The following OR1D2 variants were observed in gnomAD, a reference collection of about 807,000 sequenced individuals.
OR1D2 encodes olfactory receptor 1D2.
For missense variants in OR1D2, 357 were observed against 376.1 expected (o/e 0.95, Z 0.42); for synonymous variants, 157 against 153.9 (o/e 1.02, Z -0.15).
intron 1 of OR1D2, among the ~76,000 whole-genome samples, chr17:3,103,037 A>G (rs2047881516): frequency 6.6e-6 from 1 of 152,190 alleles, no homozygotes; most frequent in South Asian, 2.1e-4. Flanking sequence ...GGGAGACAGA[A>G]GATGAGGGCA....
chr17:3,091,620 T>G lies in OR1D2; in HGVS notation c.*438A>C, dbSNP rs1350109336. The G allele has an allele frequency of 6.0e-6, 1 of 167,836 alleles. No homozygotes were observed. Among genetic ancestry groups the G allele is most frequent in the Non-Finnish European group, 1.3e-5 (1 of 76,042 alleles). 10.4% of individuals were successfully genotyped at this position (167,836 alleles called of 1,614,324 possible). A position where few individuals can be genotyped will look rare whatever the true frequency, so the allele number is the denominator to read the frequency against. On this transcript the variant is annotated 3_prime_UTR_variant, in exon 2 of 2. Coordinates refer to ENST00000641833, the MANE Select transcript of OR1D2 (RefSeq NM_002548.3). Reference sequence around the variant, plus strand: ...TGAACACCACCTGTCGAGGTCTATATCACGTGCTGGATCAGCTGATACAAA... The same window carrying G: ...TGAACACCACCTGTCGAGGTCTATAGCACGTGCTGGATCAGCTGATACAAA...
At chr17:3,094,748 A>T (rs547644700) in intron 1 of OR1D2, among the ~76,000 whole-genome samples, 2 of 152,134 alleles carry the variant, frequency 1.3e-5, no homozygotes, top group African/African-American at 4.8e-5. Context: ...TCACAAAACT[A>T]AGAGAAAGCA....
Position 3,096,488 on chromosome 17 carries a change from C to G in OR1D2, c.-50-3442G>C, listed in dbSNP as rs373151282. ...AGATTAAAATAGAGTTTATGCTGAC[C>G]TGGTGGCCCATGCCTGTTAATCTCA... On this transcript the variant is annotated intron_variant, in intron 1 of 1. Transcript: ENST00000641833. Among the ~76,000 whole-genome samples the G allele has an allele frequency of 4.6e-5, 7 of 152,290 alleles. No homozygotes were observed. The South Asian group carries it at 1.2e-3, about 27-fold the overall frequency.
rs896855889 is a variant in OR1D2 at position 3,091,130 on chromosome 17, T to G, written c.*928A>C. On this transcript the variant is annotated 3_prime_UTR_variant, in exon 2 of 2. Transcript: ENST00000641833. Reference sequence around the variant, plus strand: ...CTACCAGGGTGCTATAAACTTTCACTTGGATTCTGGAGCTCTCACAAAGGT... The same window carrying G: ...CTACCAGGGTGCTATAAACTTTCACGTGGATTCTGGAGCTCTCACAAAGGT... 3.9e-5 allele frequency: 6 copies of G among 152,310 alleles called. No individual in the cohort carries two copies. The highest frequency in any genetic ancestry group is 3.3e-4 in the Admixed American group (5 of 15,300). 9.4% of individuals were successfully genotyped at this position (152,310 alleles called of 1,614,324 possible).
At chr17:3,100,967 A>G (rs747932466) in intron 1 of OR1D2, among the ~76,000 whole-genome samples, 1 of 152,200 alleles carries the variant, frequency 6.6e-6, no homozygotes, top group Non-Finnish European at 1.5e-5. Context: ...CCACGGCTAA[A>G]CCAGGAAGAA....
At chr17:3,096,409 C>G (rs983733189) in intron 1 of OR1D2, among the ~76,000 whole-genome samples, 1 of 152,132 alleles carries the variant, frequency 6.6e-6, no homozygotes, top group African/African-American at 2.4e-5. Flanking sequence ...AATCAGGAAC[C>G]ACAAGAAAAA....
chr17:3,094,955 T>TACCA (rs759878351), intron 1 of OR1D2, among the ~76,000 whole-genome samples: 5 of 152,070 alleles, frequency 3.3e-5, no homozygotes, highest in East Asian at 1.9e-4. Context: ...GATAGATTGA[T>TACCA]ATCAAGCTGA....
intron 1 of OR1D2, among the ~76,000 whole-genome samples, chr17:3,098,787 G>C (rs146463970): frequency 5.9e-5 from 9 of 152,244 alleles, no homozygotes; most frequent in African/African-American, 1.9e-4. Flanking sequence ...CTTGATAAAA[G>C]GTTACAGGAG....
rs922528899 is a variant in OR1D2, at chr17:3,092,012, A to G, written c.*46T>C. 1 of 1,399,766 alleles carries G rather than the reference A, an allele frequency of 7.1e-7. No homozygotes were observed. Among genetic ancestry groups the G allele is most frequent in the South Asian group, 1.3e-5 (1 of 77,794 alleles). The allele number at this position is 1,399,766 out of a possible 1,614,324, so 86.7% of individuals were successfully genotyped here. The stretch of plus-strand genomic sequence containing the variant: ...CAGGACAATCCCTTACATAGGGTGA[A>G]GGATATTCCTAGTCTCCACTTTAAT... On this transcript the variant is annotated 3_prime_UTR_variant, in exon 2 of 2. Transcript: ENST00000641833.
At position 3,092,495 on chromosome 17, in the gene OR1D2, A is replaced by C; in HGVS notation, c.502T>G (p.Phe168Val). ...IHTLLMTRVT[F>V]CGSRKIHYIF... ...TAGTGGATTTTTCGTGACCCACAGA[A>C]GGTCACTCTGGTCATGAGGAGGGTG... is the stretch of plus-strand genomic sequence containing the variant. The change falls in exon 2 of 2, where the codon TTC becomes GTC. Residue 168 changes from phenylalanine to valine, a missense_variant. Transcript: ENST00000641833. 6.2e-7 allele frequency: 1 copy of C among 1,614,172 alleles called. No homozygotes were observed. The highest frequency in any genetic ancestry group is 8.5e-7 in the Non-Finnish European group (1 of 1,180,038).
chr17:3,102,514 C>T (rs78384258), intron 1 of OR1D2, among the ~76,000 whole-genome samples: 9,590 of 152,186 alleles, frequency 0.063, 409 homozygotes, highest in Admixed American at 0.16. Flanking sequence ...CGACGTATAT[C>T]GTTGTAACAA....
At chr17:3,096,588 C>T (rs1032437184) in intron 1 of OR1D2, among the ~76,000 whole-genome samples, 1 of 152,268 alleles carries the variant, frequency 6.6e-6, no homozygotes, top group South Asian at 2.1e-4. Flanking sequence ...CATAGCAAGA[C>T]CCCATCTCTT....
intron 1 of OR1D2, among the ~76,000 whole-genome samples, chr17:3,097,026 AG>A (rs2047849106): frequency 6.6e-6 from 1 of 152,260 alleles, no homozygotes; most frequent in South Asian, 2.1e-4. Flanking sequence ...TTCCCACTGC[AG>A]TAGAATAAAA....
chr17:3,092,671 G>A lies in OR1D2; in HGVS notation c.326C>T (p.Ala109Val), dbSNP rs1292097667. ...TQLYFLVSLV[A>V]LDNLILAVMA... Reference sequence around the variant, plus strand: ...CACAGCCAGGATGAGGTTGTCCAGGGCCACCAAGGAGACCAGGAAGTAGAG... The same window carrying A: ...CACAGCCAGGATGAGGTTGTCCAGGACCACCAAGGAGACCAGGAAGTAGAG... Residue 109 changes from alanine (A) to valine (V), a missense_variant, in exon 2 of 2, where the codon GCC becomes GTC. Coordinates refer to ENST00000641833, the MANE Select transcript of OR1D2 (RefSeq NM_002548.3). 2.5e-6 allele frequency: 4 copies of A among 1,614,142 alleles called. No individual in the cohort carries two copies. In the South Asian group the frequency reaches 4.4e-5, roughly 18 times the overall value.
At chr17:3,103,449 C>G (rs1293509013) in intron 1 of OR1D2, among the ~76,000 whole-genome samples, 1 of 152,186 alleles carries the variant, frequency 6.6e-6, no homozygotes, top group Non-Finnish European at 1.5e-5. Flanking sequence ...ATCTCCTGCA[C>G]TCATGTGCAT....
chr17:3,089,799 A>C lies in OR1D2; in HGVS notation c.*2259T>G, dbSNP rs1006669106. 6.6e-6 allele frequency: 1 copy of C among 152,380 alleles called. No homozygotes were observed. The highest frequency in any genetic ancestry group is 1.5e-5 in the Non-Finnish European group (1 of 68,212). The allele number at this position is 152,380 out of a possible 1,614,324, so 9.4% of individuals were successfully genotyped here. A position where few individuals can be genotyped will look rare whatever the true frequency, so the allele number is the denominator to read the frequency against. On this transcript the variant is annotated 3_prime_UTR_variant, in exon 2 of 2. Transcript: ENST00000641833. ...ATTATGGCTGCCTCTGCTGTGTCAT[A>C]CAGGTTGCCAGGGAAGTGGTGGAAA...
At chr17:3,097,522 C>T (rs1431431279) in intron 1 of OR1D2, among the ~76,000 whole-genome samples, 1 of 152,146 alleles carries the variant, frequency 6.6e-6, no homozygotes, top group Non-Finnish European at 1.5e-5. Flanking sequence ...CATGCTTTTT[C>T]CATGGAACTC....
At chr17:3,094,084 T>C (rs1407322695) in intron 1 of OR1D2, among the ~76,000 whole-genome samples, 1 of 152,308 alleles carries the variant, frequency 6.6e-6, no homozygotes, top group East Asian at 1.9e-4. Context: ...AACAGATCAG[T>C]AGAAACTTCA....
At chr17:3,100,799 GAGA>G (rs903942485) in intron 1 of OR1D2, among the ~76,000 whole-genome samples, 101 of 152,202 alleles carry the variant, frequency 6.6e-4, no homozygotes, top group African/African-American at 2.3e-3. Flanking sequence ...GAAGAAAAGA[GAGA>G]AGAACCAAAT....
Sources: allele counts gnomAD v4.1 joint callset (sites outside exome capture counted in the v4.1 genomes callset), GRCh38; gene constraint gnomAD v4.1.1; transcripts MANE v1.5; gene names NCBI Gene and HGNC (gene_info 2026-07-23, HGNC 2026-07-21).